Variants in SOX6 observed in about 807,000 individuals in gnomAD.
The protein encoded by SOX6 is SRY-box transcription factor 6, also known as transcription factor SOX-6.
In SOX6, 11 loss-of-function variants were observed where a neutral mutation model predicts 97.8. The ratio of observed to expected loss-of-function variants is 0.11; its 90% CI spans 0.07 to 0.19. The LOEUF (loss-of-function observed/expected upper bound fraction) is 0.19. Ranked by LOEUF, SOX6 falls within the 10% of genes least tolerant of loss-of-function variation. SOX6 has a pLI of 1.00. For missense variants in SOX6, 810 were observed against 1,039.5 expected, an observed-to-expected ratio of 0.78 and a Z score of 3.04; for synonymous variants, 360 against 371.4, an observed-to-expected ratio of 0.97 and a Z score of 0.35.
At chr11:16,476,056 G>T (rs186652032) in intron 1 of SOX6, among the ~76,000 whole-genome samples, 1 of 152,132 alleles carries the variant, frequency 6.6e-6, no homozygotes. Flanking sequence ...CAAAGAGTAA[G>T]ATAGTTATTC....
intron 4 of SOX6, among the ~76,000 whole-genome samples, chr11:16,581,704 C>T (rs369698358): frequency 6.6e-6 from 1 of 152,074 alleles, no homozygotes; most frequent in South Asian, 2.1e-4. Flanking sequence ...TGGCTCATGC[C>T]TGTAATCCCA....
At chr11:16,130,662 G>GA (rs200806533) in intron 6 of SOX6, among the ~76,000 whole-genome samples, 4 of 151,224 alleles carry the variant, frequency 2.6e-5, no homozygotes, top group South Asian at 2.1e-4. Flanking sequence ...AATTTGATAT[G>GA]AAAAAAAATA....
chr11:16,070,925 C>T (rs1018456387), intron 9 of SOX6, among the ~76,000 whole-genome samples: 1 of 152,220 alleles, frequency 6.6e-6, no homozygotes, highest in Non-Finnish European at 1.5e-5. Context: ...CCAAGGGGAC[C>T]TCTACAAGTC....
rs1564972459 is a variant in SOX6 at position 16,132,417 on chromosome 11, GAA to G, written c.778-20496_778-20495del. Among the ~76,000 whole-genome samples the G allele has an allele frequency of 3.0e-4, 29 of 95,994 alleles. 1 individual carries two copies. Among genetic ancestry groups the G allele is most frequent in the East Asian group, 1.4e-3 (3 of 2,138 alleles). 63.0% of individuals were successfully genotyped at this position (95,994 alleles called of 152,430 possible). ...AAGAAAGAAAAAAGAAAGAAAGAAA[GAA>G]AGAAAGAAAGAAAGAAAGAAAGAAA... On this transcript the variant is annotated intron_variant, in intron 6 of 15. Transcript: ENST00000683767.
chr11:16,630,688 A>T (rs1034074431), intron 3 of SOX6, among the ~76,000 whole-genome samples: 2 of 152,166 alleles, frequency 1.3e-5, no homozygotes, highest in African/African-American at 2.4e-5. Context: ...CAGGGTGTTG[A>T]AGTTCCCCAC....
chr11:16,604,788 C>T (rs1665083411), intron 4 of SOX6, among the ~76,000 whole-genome samples: 2 of 152,248 alleles, frequency 1.3e-5, no homozygotes, highest in Admixed American at 6.5e-5. Context: ...ACAATTCACA[C>T]AAAACAACAT....
intron 4 of SOX6, among the ~76,000 whole-genome samples, chr11:16,551,307 G>A (rs1253100349): frequency 2.0e-5 from 3 of 152,204 alleles, no homozygotes; most frequent in East Asian, 1.9e-4. Context: ...CTGTGGTCAC[G>A]CCACTGTACT....
chr11:16,049,937 T>A lies in SOX6; in HGVS notation c.1253A>T (p.Asp418Val), dbSNP rs766355310. 2.5e-6 allele frequency: 4 copies of A among 1,613,568 alleles called. No individual in the cohort carries two copies. In the African/African-American group the frequency reaches 5.3e-5, roughly 22 times the overall value. ...RGTSPVTQVK[D>V]EAAAQPLNLS... ...ATTCAGAGGCTGTGCTGCTGCTTCA[T>A]CCTACAAGAGTTTAACGTAAATAAT... The change falls in exon 11 of 16, where the codon GAT (aspartate) becomes GTT (valine). Residue 418 changes from aspartate (D) to valine (V), a missense_variant and splice_region_variant. Transcript: ENST00000683767.
intron 1 of SOX6, among the ~76,000 whole-genome samples, chr11:16,440,182 C>G (rs1859476087): frequency 6.6e-6 from 1 of 152,180 alleles, no homozygotes; most frequent in South Asian, 2.1e-4. Context: ...TGCTGGTCAG[C>G]ATTAGCACCT....
At chr11:16,723,299 G>A (rs932049987) in intron 2 of SOX6, among the ~76,000 whole-genome samples, 1 of 152,038 alleles carries the variant, frequency 6.6e-6, no homozygotes, top group African/African-American at 2.4e-5. Context: ...CACAAAGAAG[G>A]AAACAACAGA....
In SOX6 at chr11:16,734,282, C is replaced by A. The variant is rs150799239; in HGVS notation, n.353+2057G>T. Among the ~76,000 whole-genome samples, 342 of 152,248 alleles carry A rather than the reference C, an allele frequency of 2.2e-3. 2 individuals carry two copies. The highest frequency in any genetic ancestry group is 8.1e-3 in the African/African-American group (338 of 41,542). On this transcript the variant is annotated intron_variant and non_coding_transcript_variant, in intron 2 of 5. Coordinates refer to the SOX6 transcript ENST00000524520. ...AACCACAAATATGTATTTATTTATACCTTGTTTTCAAGATTCTGTGTTAGA... is the reference window on the plus strand; with the variant it reads ...AACCACAAATATGTATTTATTTATAACTTGTTTTCAAGATTCTGTGTTAGA...
intron 4 of SOX6, among the ~76,000 whole-genome samples, chr11:16,503,354 T>C (rs1407925350): frequency 6.7e-6 from 1 of 149,428 alleles, no homozygotes; most frequent in African/African-American, 2.5e-5. Flanking sequence ...CAAACCACAA[T>C]GTTAAATAAG....
At chr11:16,314,753 T>C (rs1855710976) in intron 3 of SOX6, 1 of 152,202 alleles carries the variant, frequency 6.6e-6, no homozygotes, top group South Asian at 2.1e-4. Flanking sequence ...TTGTCACCAA[T>C]AGTATCACAA....
At chr11:16,691,078 A>T (rs1848009647) in intron 3 of SOX6, among the ~76,000 whole-genome samples, 1 of 151,974 alleles carries the variant, frequency 6.6e-6, no homozygotes, top group South Asian at 2.1e-4. Context: ...TTTCTTTTTT[A>T]CTTTAACTGA....
chr11:16,358,842 G>C (rs575603858), upstream of SOX6, among the ~76,000 whole-genome samples: 3 of 152,216 alleles, frequency 2.0e-5, no homozygotes, highest in South Asian at 2.1e-4. Flanking sequence ...AATCCTAATA[G>C]GAGAAATACT....
chr11:16,364,634 A>C (rs1394351029), intron 1 of SOX6, among the ~76,000 whole-genome samples: 1 of 152,164 alleles, frequency 6.6e-6, no homozygotes, highest in African/African-American at 2.4e-5. Context: ...ATAAGGTAGA[A>C]CACATGAGCA....
chr11:16,579,754 A>T (rs1356655087), intron 4 of SOX6, among the ~76,000 whole-genome samples: 1 of 152,136 alleles, frequency 6.6e-6, no homozygotes, highest in Non-Finnish European at 1.5e-5. Context: ...TGCTACGAAC[A>T]AGCGGTGTAT....
At position 16,300,502 on chromosome 11, in the gene SOX6, CCTTA is replaced by C. The variant is rs1454045517; in HGVS notation, c.445+17940_445+17943del. Among the ~76,000 whole-genome samples, 2 of 152,236 alleles carry C rather than the reference CCTTA, an allele frequency of 1.3e-5. No individual in the cohort carries two copies. The highest frequency in any genetic ancestry group is 3.9e-4 in the East Asian group (2 of 5,178). On this transcript the variant is annotated intron_variant, in intron 3 of 15. Coordinates refer to ENST00000683767, the MANE Select transcript of SOX6 (RefSeq NM_001367873.1). The surrounding 1 kb of genome is among the most constrained non-coding windows in gnomAD (Gnocchi z 4.1). ...ATAAGCAGTGGACACAAATCGTTAT[CCTTA>C]CTTACAGCTGCCCCACTCTAATAGT...
intron 4 of SOX6, among the ~76,000 whole-genome samples, chr11:16,544,888 G>T (rs1464135771): frequency 6.6e-6 from 1 of 151,866 alleles, no homozygotes; most frequent in Non-Finnish European, 1.5e-5. Flanking sequence ...AGGAAAACAT[G>T]AACAAAATGA....
Sources: gnomAD v4.1 joint callset for allele counts (sites outside exome capture counted in the v4.1 genomes callset) on GRCh38, gnomAD v4.1.1 for gene constraint, Gnocchi (gnomAD v3.1) non-coding constraint, MANE v1.5 for transcripts, NCBI Gene and HGNC (gene_info 2026-07-23, HGNC 2026-07-21) for gene names.